The following AGBL4 variants were observed in gnomAD, a reference collection of about 807,000 sequenced individuals.
The protein encoded by AGBL4 is cytosolic carboxypeptidase 6.
AGBL4 carries 58 observed loss-of-function variants against 66.4 expected under a neutral mutation model. The ratio of observed to expected loss-of-function variants is 0.87; its 90% confidence interval spans 0.71 to 1.09. The LOEUF (loss-of-function observed/expected upper bound fraction) is 1.09, where lower values mean the gene tolerates loss of function less well. Among genes scored for constraint, AGBL4 ranks in the 50% least tolerant of loss-of-function variants. The pLI, the probability that AGBL4 is intolerant of heterozygous loss-of-function variation, is 0.00. For missense variants in AGBL4, 579 were observed against 631.0 expected (o/e 0.92, Z 0.88); for synonymous variants, 234 against 222.9 (o/e 1.05, Z -0.44).
At chr1:49,255,447 A>T (rs1652403568) in intron 3 of AGBL4, among the ~76,000 whole-genome samples, 1 of 152,230 alleles carries the variant, frequency 6.6e-6, no homozygotes, top group South Asian at 2.1e-4. Flanking sequence ...GAGAAATGCA[A>T]GTCAAAACCA....
At chr1:49,251,845 G>A (rs1314720546) in intron 3 of AGBL4, among the ~76,000 whole-genome samples, 1 of 152,112 alleles carries the variant, frequency 6.6e-6, no homozygotes, top group Non-Finnish European at 1.5e-5. Flanking sequence ...TACCAGAAAC[G>A]AAGCCAGTTG....
chr1:49,095,791 T>A (rs1433663478), intron 4 of AGBL4, among the ~76,000 whole-genome samples: 1 of 151,610 alleles, frequency 6.6e-6, no homozygotes, highest in Non-Finnish European at 1.5e-5. Context: ...AAGGACTTCA[T>A]GTCTAAAACA....
intron 9 of AGBL4, among the ~76,000 whole-genome samples, chr1:48,618,903 A>G (rs1174084875): frequency 6.6e-6 from 1 of 152,038 alleles, no homozygotes; most frequent in East Asian, 1.9e-4. Context: ...TAATGGGGGT[A>G]ATTCTGAATT....
chr1:49,935,278 G>C (rs1418306182), intron 1 of AGBL4, among the ~76,000 whole-genome samples: 2 of 152,260 alleles, frequency 1.3e-5, no homozygotes, highest in Non-Finnish European at 2.9e-5. Context: ...GCAAGGCTGG[G>C]GGAGGGGCGC....
intron 5 of AGBL4, among the ~76,000 whole-genome samples, chr1:48,950,989 A>G (rs1656932122): frequency 6.6e-6 from 1 of 152,222 alleles, no homozygotes. Flanking sequence ...CAGATAAAAA[A>G]TGTCTAAGTA....
At chr1:49,284,343 G>A (rs1291567420) in intron 3 of AGBL4, among the ~76,000 whole-genome samples, 1 of 151,890 alleles carries the variant, frequency 6.6e-6, no homozygotes, top group African/African-American at 2.4e-5. Context: ...GTCACCACCA[G>A]GCCTTCCCTA....
At chr1:49,115,511 T>G (rs776061985) in intron 4 of AGBL4, among the ~76,000 whole-genome samples, 7 of 152,186 alleles carry the variant, frequency 4.6e-5, no homozygotes, top group Non-Finnish European at 8.8e-5. Context: ...ATAGCCTGTA[T>G]TTATATCCCA....
At chr1:49,880,154 C>A (rs1022975459) in intron 1 of AGBL4, among the ~76,000 whole-genome samples, 36 of 151,996 alleles carry the variant, frequency 2.4e-4, no homozygotes, top group African/African-American at 8.4e-4. Context: ...GCCTTCCTCT[C>A]TCAGCTCGTC....
At chr1:48,873,780 C>T (rs1050403950) in intron 5 of AGBL4, among the ~76,000 whole-genome samples, 1 of 152,108 alleles carries the variant, frequency 6.6e-6, no homozygotes, top group African/African-American at 2.4e-5. Context: ...AACTCTATTT[C>T]TGTCTTGGGG....
intron 6 of AGBL4, among the ~76,000 whole-genome samples, chr1:48,854,747 C>T (rs1270595499): frequency 6.6e-6 from 1 of 152,124 alleles, no homozygotes; most frequent in Non-Finnish European, 1.5e-5. Flanking sequence ...GACTCAATCA[C>T]AGAATGAGAA....
intron 1 of AGBL4, among the ~76,000 whole-genome samples, chr1:49,937,872 A>G (rs1654267011): frequency 6.6e-6 from 1 of 152,218 alleles, no homozygotes; most frequent in South Asian, 2.1e-4. Flanking sequence ...TTATAGCACT[A>G]AATCCCCACA....
intron 11 of AGBL4, among the ~76,000 whole-genome samples, chr1:48,556,888 C>T (rs1198648735): frequency 6.6e-6 from 1 of 152,206 alleles, no homozygotes; most frequent in Non-Finnish European, 1.5e-5. Context: ...CTCCTGGGCT[C>T]AAGCGATTCT....
Position 48,537,254 on chromosome 1 carries a change from G to A in AGBL4, c.1365-2338C>T, listed in dbSNP as rs184125416. Among the ~76,000 whole-genome samples, 560 of 152,294 alleles carry A rather than the reference G, an allele frequency of 3.7e-3. 4 individuals carry two copies. Among genetic ancestry groups the A allele is most frequent in the African/African-American group, 0.013 (532 of 41,568 alleles). ...GTGCTCACAGTTTGATGAGGCAGAG[G>A]TGTGTGCATAGGGAGGAGGTTATTA... On this transcript the variant is annotated intron_variant, in intron 12 of 13. Transcript: ENST00000371839.
chr1:48,789,999 G>A (rs1645509177), intron 6 of AGBL4, among the ~76,000 whole-genome samples: 1 of 152,200 alleles, frequency 6.6e-6, no homozygotes, highest in African/African-American at 2.4e-5. Context: ...AAGGAAGAAA[G>A]AGTCTGTCAG....
At chr1:49,536,428 A>G (rs1651591942) in intron 3 of AGBL4, among the ~76,000 whole-genome samples, 1 of 151,890 alleles carries the variant, frequency 6.6e-6, no homozygotes, top group South Asian at 2.1e-4. Flanking sequence ...TTTTGCATTT[A>G]ATTTTTATTT....
chr1:49,553,288 CTA>C lies in AGBL4; in HGVS notation c.282+144023_282+144024del, dbSNP rs1161155472. ...ACATCTCTCTGTTCTTTACTACTCT[CTA>C]TTCCTATAATGAGAACTCCATCATC... On this transcript the variant is annotated intron_variant, in intron 3 of 13. Coordinates refer to ENST00000371839, the MANE Select transcript of AGBL4 (RefSeq NM_032785.4). Among the ~76,000 whole-genome samples, 3 of 152,296 alleles carry C rather than the reference CTA, an allele frequency of 2.0e-5. No individual in the cohort carries two copies. In the East Asian group the frequency reaches 5.8e-4, roughly 29 times the overall value.
At chr1:49,294,736 C>T (rs1243336901) in intron 3 of AGBL4, among the ~76,000 whole-genome samples, 2 of 152,312 alleles carry the variant, frequency 1.3e-5, no homozygotes, top group Non-Finnish European at 2.9e-5. Context: ...CCTCTGCCAG[C>T]CTGGTTCACT....
At chr1:49,948,240 A>C (rs1362631105) in intron 1 of AGBL4, among the ~76,000 whole-genome samples, 1 of 101,728 alleles carries the variant, frequency 9.8e-6, no homozygotes, top group East Asian at 2.6e-4. Context: ...ATAAATATAT[A>C]AATAAATACA....
At chr1:48,786,062 T>C (rs2148723779) in intron 6 of AGBL4, among the ~76,000 whole-genome samples, 1 of 150,866 alleles carries the variant, frequency 6.6e-6, no homozygotes, top group Non-Finnish European at 1.5e-5. Flanking sequence ...GTCAAAGGCA[T>C]AAAGGAGAAC....
Sources: gnomAD v4.1 joint callset for allele counts (sites outside exome capture counted in the v4.1 genomes callset) on GRCh38, gnomAD v4.1.1 for gene constraint, MANE v1.5 for transcripts, NCBI Gene and HGNC (gene_info 2026-07-23, HGNC 2026-07-21) for gene names.